OPRM1: variants seen among roughly 807,000 people sequenced by gnomAD.
OPRM1 encodes the protein mu-type opioid receptor.
A neutral mutation model predicts 31.8 loss-of-function variants in OPRM1; 27 were observed. The observed-to-expected ratio is 0.85, with a 90% CI of 0.63 to 1.17. OPRM1 has a LOEUF of 1.17. Ranked by LOEUF, OPRM1 falls within the 50% of genes most tolerant of loss-of-function variation. The pLI is 0.00. For synonymous variants in OPRM1, 196 were observed against 189.9 expected, an observed-to-expected ratio of 1.03 and a Z score of -0.26; for missense variants, 536 against 511.1, an observed-to-expected ratio of 1.05 and a Z score of -0.47.
At chr6:154,152,354 AAG>A (rs1562510779) in intron 3 of OPRM1, among the ~76,000 whole-genome samples, 2 of 147,118 alleles carry the variant, frequency 1.4e-5, no homozygotes, top group East Asian at 3.9e-4. Flanking sequence ...AAAGGAAAGA[AAG>A]AAAGAAAGAA....
In OPRM1 at chr6:154,091,438, C is replaced by T. The variant is rs976919553; in HGVS notation, c.1130C>T (p.Ser377Phe). 1.9e-6 allele frequency: 3 copies of T among 1,613,484 alleles called. No homozygotes were observed. The African/African-American group carries it at 4.0e-5, about 22-fold the overall frequency. ...RIRQNTRDHP[S>F]TANTVDRTNH... ...CGTCAGAACACTAGAGACCACCCCT[C>T]CACGGCCAATACAGTGGATAGAACT... The change falls in exon 3 of 4, where the codon TCC (serine) becomes TTC (phenylalanine). Residue 377 changes from serine to phenylalanine, a missense_variant. Physicochemically the swap from Ser to Phe is radical, Grantham distance 155 (BLOSUM62 -2). Coordinates refer to ENST00000330432, the MANE Select transcript of OPRM1 (RefSeq NM_000914.5).
At chr6:154,055,159 G>A (rs1459197458) in intron 1 of OPRM1, among the ~76,000 whole-genome samples, 1 of 152,100 alleles carries the variant, frequency 6.6e-6, no homozygotes, top group Non-Finnish European at 1.5e-5. Context: ...AGGCTGTGGC[G>A]GGCAGATCAC....
In OPRM1 at chr6:154,168,795, A is replaced by T. The variant is rs1461020217; in HGVS notation, c.1164+77323A>T. Among the ~76,000 whole-genome samples, 1 of 151,746 alleles carries T rather than the reference A, an allele frequency of 6.6e-6. No homozygotes were observed. The highest frequency in any genetic ancestry group is 1.5e-5 in the Non-Finnish European group (1 of 67,922). On this transcript the variant is annotated intron_variant, in intron 3 of 3. Coordinates refer to the OPRM1 transcript ENST00000337049. This position sits in a 1 kb window ranked among gnomAD's most constrained non-coding sequence, Gnocchi z 4.1. ...TCATTTTTATATTTTTAGTACAGAC[A>T]GGGTTTCACCATGTTGCCCAGGCTG... is the stretch of plus-strand genomic sequence containing the variant.
intron 3 of OPRM1, among the ~76,000 whole-genome samples, chr6:154,239,806 C>A (rs141793129): frequency 6.6e-6 from 1 of 152,190 alleles, no homozygotes; most frequent in Admixed American, 6.5e-5. Context: ...CATGTTCAAG[C>A]AATTCTCTTG....
chr6:154,085,590 G>A (rs547136929), intron 1 of OPRM1, among the ~76,000 whole-genome samples: 4 of 152,324 alleles, frequency 2.6e-5, no homozygotes, highest in African/African-American at 9.6e-5. Flanking sequence ...TGGCCTGTGA[G>A]TCCAGATGAG....
At chr6:154,112,650 A>G (rs1162282836) in intron 3 of OPRM1, among the ~76,000 whole-genome samples, 3 of 152,248 alleles carry the variant, frequency 2.0e-5, no homozygotes, top group African/African-American at 7.2e-5. Context: ...GAAGATGATT[A>G]GATCTTGCAG....
chr6:154,027,121 TCAAAATAA>T (rs1778741086), intron 1 of OPRM1, among the ~76,000 whole-genome samples: 1 of 152,214 alleles, frequency 6.6e-6, no homozygotes, highest in South Asian at 2.1e-4. Flanking sequence ...TTCCAGATAT[TCAAAATAA>T]CTTGGGTGTT....
intron 1 of OPRM1, among the ~76,000 whole-genome samples, chr6:154,019,948 C>T (rs1436730029): frequency 1.3e-5 from 2 of 151,738 alleles, no homozygotes; most frequent in South Asian, 2.1e-4. Flanking sequence ...TGGCCAGGGT[C>T]GTCTCAAACT....
Position 154,089,937 on chromosome 6 carries a change from A to C in OPRM1, c.402A>C (p.Thr134=), listed in dbSNP as rs756128799. 1 of 1,613,806 alleles carries C rather than the reference A, an allele frequency of 6.2e-7. No individual in the cohort carries two copies. Among genetic ancestry groups the C allele is most frequent in the African/African-American group, 1.3e-5 (1 of 74,926 alleles). ...PFQSVNYLMG[T]WPFGTILCKI... ...AGAGTGTGAATTACCTAATGGGAACATGGCCATTTGGAACCATCCTTTGCA... is the reference window on the plus strand; with the variant it reads ...AGAGTGTGAATTACCTAATGGGAACCTGGCCATTTGGAACCATCCTTTGCA... The change falls in exon 2 of 4, where the codon ACA becomes ACC. Residue 134 remains threonine, a synonymous_variant. Transcript: ENST00000330432.
chr6:154,220,751 AC>A (rs1421283817), intron 3 of OPRM1, among the ~76,000 whole-genome samples: 3 of 152,168 alleles, frequency 2.0e-5, no homozygotes, highest in African/African-American at 7.2e-5. Context: ...ATTTTCACAG[AC>A]CACCCTGGAA....
intron 3 of OPRM1, among the ~76,000 whole-genome samples, chr6:154,152,351 A>G (rs559073267): frequency 2.1e-5 from 3 of 140,710 alleles, no homozygotes; most frequent in South Asian, 2.3e-4. Flanking sequence ...AAGAAAGGAA[A>G]GAAAGAAAGA....
chr6:154,148,839 C>T (rs1490277803), intron 3 of OPRM1, among the ~76,000 whole-genome samples: 1 of 152,174 alleles, frequency 6.6e-6, no homozygotes, highest in African/African-American at 2.4e-5. Flanking sequence ...CCATTTTTGG[C>T]TTGAACATTT....
rs57976654 is a variant in OPRM1, at chr6:154,083,943, C to CAAA, written c.291-5859_291-5857dup. Among the ~76,000 whole-genome samples, 74 of 35,138 alleles carry CAAA rather than the reference C, an allele frequency of 2.1e-3. 4 individuals carry two copies. Among genetic ancestry groups the CAAA allele is most frequent in the African/African-American group, 5.8e-3 (53 of 9,092 alleles). 23.1% of individuals were successfully genotyped at this position (35,138 alleles called of 152,430 possible). ...TGGGCGACAAAGGGAGACTCCGTCT[C>CAAA]AAAAAAAAAAAAAAAAAAAAAAAAA... On this transcript the variant is annotated intron_variant, in intron 1 of 3. Transcript: ENST00000330432.
intron 1 of OPRM1, among the ~76,000 whole-genome samples, chr6:154,076,676 C>T (rs180686691): frequency 6.6e-6 from 1 of 152,134 alleles, no homozygotes; most frequent in African/African-American, 2.4e-5. Context: ...ACACCTCCCC[C>T]AAAACTGAGC....
In OPRM1 at chr6:154,132,158, G is replaced by C. The variant is rs78438429; in HGVS notation, c.*13437G>C. ...AATGTCAACTAGTATATCAAACAGT[G>C]AGCAATTCACTAAATTATTTTTACA... On this transcript the variant is annotated 3_prime_UTR_variant, in exon 4 of 4. Coordinates refer to ENST00000330432, the MANE Select transcript of OPRM1 (RefSeq NM_000914.5). 0.012 allele frequency among the ~76,000 whole-genome samples: 1,768 copies of C among 152,166 alleles called. 33 individuals are homozygous for C. Among genetic ancestry groups the C allele is most frequent in the African/African-American group, 0.041 (1,710 of 41,536 alleles).
chr6:154,061,874 A>G (rs1373000124), intron 1 of OPRM1, among the ~76,000 whole-genome samples: 7 of 152,126 alleles, frequency 4.6e-5, no homozygotes, highest in Non-Finnish European at 8.8e-5. Flanking sequence ...CAATGTTGAC[A>G]CTAAGAAGAT....
intron 1 of OPRM1, chr6:154,011,104 A>G (rs2128374285): frequency 8.7e-7 from 1 of 1,150,846 alleles, no homozygotes; most frequent in Non-Finnish European, 1.2e-6. Context: ...CTTGACACTC[A>G]TCTCTTAAAT....
rs761403456 is a variant in OPRM1 at position 154,091,356 on chromosome 6, A to G, written c.1048A>G (p.Arg350Gly). The G allele has an allele frequency of 7.4e-6, 12 of 1,614,250 alleles. No individual in the cohort carries two copies. In the East Asian group the frequency reaches 1.1e-4, roughly 15 times the overall value. The change falls in exon 3 of 4, where the codon AGA becomes GGA. Residue 350 changes from arginine (R) to glycine (G), a missense_variant. Physicochemically the swap from Arg to Gly is moderately radical, Grantham distance 125 (BLOSUM62 -2). Transcript: ENST00000330432. ...GGATGAAAACTTCAAACGATGCTTCAGAGAGTTCTGTATCCCAACCTCTTC... is the reference window on the plus strand; with the variant it reads ...GGATGAAAACTTCAAACGATGCTTCGGAGAGTTCTGTATCCCAACCTCTTC... ...FLDENFKRCFREFCIPTSSNI... is the reference protein window; with the variant it reads ...FLDENFKRCFGEFCIPTSSNI...
chr6:154,180,414 A>ATATATATATATTTTTTT (rs1241250621), intron 3 of OPRM1, among the ~76,000 whole-genome samples: 1 of 65,268 alleles, frequency 1.5e-5, no homozygotes, highest in African/African-American at 4.8e-5. Flanking sequence ...ATATATATAT[A>ATATATATATATTTTTTT]TTTTTTTTTT....
Sources: gnomAD v4.1 joint callset for allele counts (sites outside exome capture counted in the v4.1 genomes callset) on GRCh38, gnomAD v4.1.1 for gene constraint, Gnocchi (gnomAD v3.1) non-coding constraint, MANE v1.5 for transcripts, NCBI Gene and HGNC (gene_info 2026-07-23, HGNC 2026-07-21) for gene names.